The following USP47 variants were observed in gnomAD, a reference collection of about 807,000 sequenced individuals.
USP47 encodes ubiquitin carboxyl-terminal hydrolase 47.
Under a neutral mutation model 165.1 loss-of-function variants are expected in USP47, and 35 were observed. That is an observed-to-expected ratio of 0.21 (90% CI 0.16 to 0.28). USP47 has a LOEUF of 0.28. USP47 is among the 10% of genes least tolerant of loss of function. The pLI is 1.00. For synonymous variants in USP47, 531 were observed against 544.5 expected (o/e 0.98, Z 0.35); for missense variants, 1,277 against 1,607.4 (o/e 0.79, Z 3.52).
At chr11:11,918,892 A>C (rs955471708) in intron 8 of USP47, among the ~76,000 whole-genome samples, 2 of 151,928 alleles carry the variant, frequency 1.3e-5, no homozygotes, top group African/African-American at 4.8e-5. Flanking sequence ...CTATAGATGT[A>C]ATTTCTTTAA....
intron 1 of USP47, among the ~76,000 whole-genome samples, chr11:11,857,357 T>A (rs1480729193): frequency 6.6e-6 from 1 of 152,154 alleles, no homozygotes; most frequent in Non-Finnish European, 1.5e-5. Flanking sequence ...ACAAGAGAAT[T>A]GGTGAAAAAT....
At position 11,852,573 on chromosome 11, in the gene USP47, G is replaced by A. The variant is rs537562734; in HGVS notation, c.39+10349G>A. Reference sequence around the variant, plus strand: ...CTCCAAGGAGTTTAGAGGTCTTTTGGTGTACTAAATGTCAGTGTGATATAA... The same window carrying A: ...CTCCAAGGAGTTTAGAGGTCTTTTGATGTACTAAATGTCAGTGTGATATAA... On this transcript the variant is annotated intron_variant, in intron 1 of 27. Transcript: ENST00000527733. Among the ~76,000 whole-genome samples the A allele has an allele frequency of 3.3e-5, 5 of 150,096 alleles. No individual in the cohort carries two copies. The South Asian group carries it at 1.1e-3, about 32-fold the overall frequency.
intron 8 of USP47, among the ~76,000 whole-genome samples, chr11:11,918,702 T>A (rs1168423560): frequency 6.6e-6 from 1 of 152,006 alleles, no homozygotes; most frequent in African/African-American, 2.4e-5. Context: ...TAATTTTTTT[T>A]AAAGATCTCT....
At chr11:11,941,399 T>C (rs574328419) in intron 19 of USP47, among the ~76,000 whole-genome samples, 52 of 152,138 alleles carry the variant, frequency 3.4e-4, no homozygotes, top group Non-Finnish European at 4.1e-4. Flanking sequence ...ATTTACTGAA[T>C]AGGATAATGA....
At chr11:11,899,638 C>A (rs1852069567) in intron 5 of USP47, among the ~76,000 whole-genome samples, 1 of 152,044 alleles carries the variant, frequency 6.6e-6, no homozygotes. Context: ...TTCACAGGAA[C>A]AAGCCCTCTA....
Position 11,936,458 on chromosome 11 carries a change from G to A in USP47, c.2025G>A (p.Leu675=), listed in dbSNP as rs749906783. The A allele has an allele frequency of 2.2e-5, 36 of 1,607,742 alleles. No individual in the cohort carries two copies. In the Admixed American group the frequency reaches 6.0e-4, roughly 27 times the overall value. The stretch of plus-strand genomic sequence containing the variant: ...TCAAGTCAACATATATGTTTGATCT[G>A]CTGTTGGAGACGAGAAAGCCTGATC... ...GGVKSTYMFD[L]LLETRKPDQV... is the part of the protein sequence containing the mutation. The change falls in exon 17 of 28, where the codon CTG becomes CTA. Residue 675 remains leucine (L), a synonymous_variant. Coordinates refer to ENST00000527733, the MANE Select transcript of USP47 (RefSeq NM_001282659.2).
chr11:11,907,884 A>G (rs1209664546), intron 8 of USP47, among the ~76,000 whole-genome samples: 1 of 152,030 alleles, frequency 6.6e-6, no homozygotes, highest in African/African-American at 2.4e-5. Context: ...TCACTTGAGG[A>G]CAGGAGTTCG....
chr11:11,877,783 C>CTT (rs1426649514), intron 1 of USP47, among the ~76,000 whole-genome samples: 78 of 130,558 alleles, frequency 6.0e-4, no homozygotes, highest in Admixed American at 2.9e-3. Flanking sequence ...CTCTCTCTCT[C>CTT]TCTCTTTCTC....
intron 14 of USP47, among the ~76,000 whole-genome samples, chr11:11,932,796 T>C (rs1854770085): frequency 6.6e-6 from 1 of 152,170 alleles, no homozygotes; most frequent in South Asian, 2.1e-4. Flanking sequence ...CTCTTTAAGA[T>C]ATGGACCTAA....
intron 1 of USP47, chr11:11,873,793 A>G: frequency 6.9e-7 from 1 of 1,443,548 alleles, no homozygotes; most frequent in Non-Finnish European, 9.1e-7. Context: ...GTTCTTATAT[A>G]CCATAGGATG....
intron 1 of USP47, among the ~76,000 whole-genome samples, chr11:11,857,330 T>A (rs948256087): frequency 6.6e-6 from 1 of 152,070 alleles, no homozygotes; most frequent in African/African-American, 2.4e-5. Flanking sequence ...TATATCTATT[T>A]ATAGTACTTT....
rs1296397507 is a variant in USP47, at chr11:11,960,341, A to G, written c.*4166A>G. Among the ~76,000 whole-genome samples the G allele has an allele frequency of 6.6e-6, 1 of 152,166 alleles. No individual in the cohort carries two copies. The highest frequency in any genetic ancestry group is 1.5e-5 in the Non-Finnish European group (1 of 68,028). ...GCCTGGTCACTAGTAACTTTTTTGT[A>G]GACATGAAGGTAGATGCCCTGCAGG... On this transcript the variant is annotated 3_prime_UTR_variant, in exon 28 of 28. Coordinates refer to ENST00000527733, the MANE Select transcript of USP47 (RefSeq NM_001282659.2).
chr11:11,878,758 G>A (rs997160580), intron 1 of USP47: 9 of 151,848 alleles, frequency 5.9e-5, no homozygotes, highest in African/African-American at 2.2e-4. Context: ...AAACTAATTG[G>A]AGTAACTTTA....
chr11:11,960,253 G>A lies in USP47; in HGVS notation c.*4078G>A, dbSNP rs151167139. 1.4e-3 allele frequency among the ~76,000 whole-genome samples: 217 copies of A among 152,264 alleles called. No homozygotes were observed. Among genetic ancestry groups the A allele is most frequent in the Middle Eastern group, 6.8e-3 (2 of 294 alleles). The stretch of plus-strand genomic sequence containing the variant: ...GGTGGTGGAAGAGGCCAGGAAGAGC[G>A]GGGGGAAGACATGTGCTAACCACTT... On this transcript the variant is annotated 3_prime_UTR_variant, in exon 28 of 28. Transcript: ENST00000527733.
chr11:11,922,860 C>T lies in USP47; in HGVS notation c.1355C>T (p.Thr452Ile). 1.2e-6 allele frequency: 2 copies of T among 1,609,794 alleles called. No homozygotes were observed. Among genetic ancestry groups the T allele is most frequent in the Non-Finnish European group, 1.7e-6 (2 of 1,177,548 alleles). ...ATCTGTCTTGAAACCAATAGTGGAA[C>T]TGAAAAGATCTCAAAATCTGGACTT... ...EGICLETNSG[T>I]EKISKSGLEK... Residue 452 changes from threonine to isoleucine, a missense_variant, in exon 11 of 28, where the codon ACT (threonine) becomes ATT (isoleucine). Thr to Ile is a moderately conservative substitution (Grantham distance 89, BLOSUM62 -1). Transcript: ENST00000527733.
At chr11:11,910,552 G>A (rs1026647626) in intron 8 of USP47, among the ~76,000 whole-genome samples, 2 of 151,928 alleles carry the variant, frequency 1.3e-5, no homozygotes, top group East Asian at 1.9e-4. Context: ...GTAAAGAGGC[G>A]AGCCCCTCCT....
rs142923463 is a variant in USP47 at position 11,907,461 on chromosome 11, G to A, written c.969+1913G>A. ...GGGTTCTAAGGAGGATACTACCTTC[G>A]GAGAACTTTAGTTAGAGGTAAGTGA... On this transcript the variant is annotated intron_variant, in intron 8 of 27. Coordinates refer to ENST00000527733, the MANE Select transcript of USP47 (RefSeq NM_001282659.2). Among the ~76,000 whole-genome samples the A allele has an allele frequency of 2.7e-3, 416 of 152,240 alleles. 2 individuals carry two copies. The South Asian group carries it at 0.034, about 13-fold the overall frequency.
chr11:11,950,736 G>C (rs1163250423), intron 24 of USP47: 1 of 222,148 alleles, frequency 4.5e-6, no homozygotes, highest in Admixed American at 5.8e-5. Flanking sequence ...AATAATCAGT[G>C]TCTTTCAGCC....
chr11:11,899,212 A>G (rs959579069), intron 5 of USP47, among the ~76,000 whole-genome samples: 8 of 152,206 alleles, frequency 5.3e-5, no homozygotes, highest in Admixed American at 3.9e-4. Context: ...CAAAACTAGC[A>G]CAGACCAGAT....
Sources: gnomAD v4.1 joint callset for allele counts (sites outside exome capture counted in the v4.1 genomes callset) on GRCh38, gnomAD v4.1.1 for gene constraint, MANE v1.5 for transcripts, NCBI Gene and HGNC (gene_info 2026-07-23, HGNC 2026-07-21) for gene names.